CDKL3: variants seen among roughly 807,000 people sequenced by gnomAD.
The protein encoded by CDKL3 is cyclin-dependent kinase-like 3.
In CDKL3, 65 loss-of-function variants were observed where a neutral mutation model predicts 69.3. That is an observed-to-expected ratio of 0.94 (90% confidence interval 0.77 to 1.15). CDKL3 has a LOEUF of 1.15. Ranked by LOEUF, CDKL3 falls within the 50% of genes most tolerant of loss-of-function variation. The pLI, the probability that CDKL3 is intolerant of heterozygous loss-of-function variation, is 0.00. For synonymous variants in CDKL3, 202 were observed against 221.6 expected (o/e 0.91, Z 0.79); for missense variants, 652 against 689.2 (o/e 0.95, Z 0.61).
At chr5:134,349,798 A>C (rs1752803432) in intron 4 of CDKL3, among the ~76,000 whole-genome samples, 1 of 152,152 alleles carries the variant, frequency 6.6e-6, no homozygotes, top group Non-Finnish European at 1.5e-5. Flanking sequence ...TTACCTTTAA[A>C]GGTGTCCCTC....
chr5:134,284,162 G>C (rs560008547), downstream of CDKL3, among the ~76,000 whole-genome samples: 60 of 152,242 alleles, frequency 3.9e-4, no homozygotes, highest in Non-Finnish European at 8.8e-5. Flanking sequence ...TGAATAGTGG[G>C]GGAACCAGCC....
chr5:134,317,030 A>AAT (rs1771270941), intron 6 of CDKL3, among the ~76,000 whole-genome samples: 1 of 152,172 alleles, frequency 6.6e-6, no homozygotes, highest in African/African-American at 2.4e-5. Context: ...TTGGTGCAAA[A>AAT]GTAATTGTGG....
chr5:134,301,819 A>ATG, intron 12 of CDKL3, among the ~76,000 whole-genome samples: 2 of 152,058 alleles, frequency 1.3e-5, no homozygotes, highest in Non-Finnish European at 2.9e-5. Flanking sequence ...CCCGGGAGGC[A>ATG]GAGGTTGCAG....
intron 4 of CDKL3, among the ~76,000 whole-genome samples, chr5:134,347,448 C>G (rs75140086): frequency 4.6e-5 from 7 of 151,950 alleles, no homozygotes; most frequent in Non-Finnish European, 8.8e-5. Flanking sequence ...ACAAGTTACA[C>G]GGACACCCAT....
In CDKL3 at chr5:134,303,388, T is replaced by C. The variant is rs1360793780; in HGVS notation, c.1622-701A>G. On this transcript the variant is annotated intron_variant, in intron 11 of 12. Transcript: ENST00000265334. ...CACTGTGCCCAGCCTATAAATCTTATATATTTAATCCTTGGATGCTCAAAA... is the reference window on the plus strand; with the variant it reads ...CACTGTGCCCAGCCTATAAATCTTACATATTTAATCCTTGGATGCTCAAAA... Among the ~76,000 whole-genome samples, 3 of 152,190 alleles carry C rather than the reference T, an allele frequency of 2.0e-5. No individual in the cohort carries two copies. In the East Asian group the frequency reaches 5.8e-4, roughly 29 times the overall value.
At chr5:134,316,049 T>C (rs1471858343) in intron 6 of CDKL3, among the ~76,000 whole-genome samples, 1 of 152,056 alleles carries the variant, frequency 6.6e-6, no homozygotes, top group Non-Finnish European at 1.5e-5. Flanking sequence ...CCTCCCAGGC[T>C]CAAGTGATCC....
At chr5:134,333,446 G>A (rs1353694777) in intron 4 of CDKL3, among the ~76,000 whole-genome samples, 1 of 152,206 alleles carries the variant, frequency 6.6e-6, no homozygotes, top group Non-Finnish European at 1.5e-5. Context: ...AATATTGGCT[G>A]TGGGTTTGTC....
In CDKL3 at chr5:134,298,633, T is replaced by C; in HGVS notation, c.*18A>G. 1 of 1,607,404 alleles carries C rather than the reference T, an allele frequency of 6.2e-7. No homozygotes were observed. ...AGTTGTCATCTTGTATTTTTTGGAC[T>C]ATGTAAAAGAAAAGACACTACCAGA... On this transcript the variant is annotated 3_prime_UTR_variant, in exon 13 of 13. Transcript: ENST00000265334.
chr5:134,303,907 CTCTT>C (rs1403603101), intron 11 of CDKL3, among the ~76,000 whole-genome samples: 1 of 151,132 alleles, frequency 6.6e-6, no homozygotes, highest in Non-Finnish European at 1.5e-5. Flanking sequence ...GTCTTAACCT[CTCTT>C]TATTTTTCTT....
chr5:134,307,687 T>TATTTTTCTAATCTAAA (rs1554080252), intron 9 of CDKL3, among the ~76,000 whole-genome samples: 9 of 152,352 alleles, frequency 5.9e-5, no homozygotes, highest in Non-Finnish European at 1.0e-4. Context: ...AAAACTGGCC[T>TATTTTTCTAATCTAAA]AATATGCTAT....
intron 8 of CDKL3, among the ~76,000 whole-genome samples, chr5:134,287,500 G>T (rs929189028): frequency 6.6e-6 from 1 of 152,166 alleles, no homozygotes; most frequent in East Asian, 1.9e-4. Flanking sequence ...ACTTCACGTG[G>T]TCAAAGGACT....
At chr5:134,331,372 GGTATAT>G (rs759530734) in intron 4 of CDKL3, among the ~76,000 whole-genome samples, 17 of 151,962 alleles carry the variant, frequency 1.1e-4, no homozygotes, top group Non-Finnish European at 1.6e-4. Context: ...TTGTTACATA[GGTATAT>G]GTGTGCCATG....
chr5:134,309,613 T>A (rs959942166), intron 7 of CDKL3, among the ~76,000 whole-genome samples: 1 of 152,076 alleles, frequency 6.6e-6, no homozygotes, highest in Non-Finnish European at 1.5e-5. Flanking sequence ...ACTGCACAAG[T>A]CCCCTCCTTG....
intron 7 of CDKL3, among the ~76,000 whole-genome samples, chr5:134,310,163 TTTTA>T (rs1464978742): frequency 8.9e-6 from 1 of 112,492 alleles, no homozygotes; most frequent in Non-Finnish European, 1.7e-5. Context: ...TGGCACTTCA[TTTTA>T]TTTTTTATTA....
upstream of CDKL3, chr5:134,371,415 G>A: frequency 1.3e-6 from 1 of 786,878 alleles, no homozygotes; most frequent in Non-Finnish European, 2.0e-6. Context: ...TAGCGGCGGA[G>A]GGCGGAGGGA....
At chr5:134,327,122 T>C (rs1314192480) in intron 4 of CDKL3, among the ~76,000 whole-genome samples, 1 of 151,988 alleles carries the variant, frequency 6.6e-6, no homozygotes, top group Non-Finnish European at 1.5e-5. Flanking sequence ...TTCTCCCAGC[T>C]GCCTGTTGCT....
At chr5:134,300,136 C>T (rs553274569) in intron 12 of CDKL3, among the ~76,000 whole-genome samples, 3 of 152,154 alleles carry the variant, frequency 2.0e-5, no homozygotes, top group African/African-American at 7.2e-5. Context: ...GTCAGGAGTT[C>T]GAGACCAGCC....
chr5:134,323,648 G>T (rs1378639436), intron 4 of CDKL3, among the ~76,000 whole-genome samples: 2 of 152,150 alleles, frequency 1.3e-5, no homozygotes, highest in Non-Finnish European at 2.9e-5. Context: ...TCAACAAATA[G>T]TGCTGGAACA....
intron 3 of CDKL3, among the ~76,000 whole-genome samples, chr5:134,353,491 C>G (rs1379391792): frequency 6.6e-6 from 1 of 152,020 alleles, no homozygotes; most frequent in Non-Finnish European, 1.5e-5. Context: ...TTCGTGCTCT[C>G]CAATTCAGTC....
Sources: allele counts gnomAD v4.1 joint callset (sites outside exome capture counted in the v4.1 genomes callset), GRCh38; gene constraint gnomAD v4.1.1; transcripts MANE v1.5; gene names NCBI Gene and HGNC (gene_info 2026-07-23, HGNC 2026-07-21).